Variants in CS observed in about 807,000 individuals in gnomAD.
CS encodes citrate synthase.
A neutral mutation model predicts 61.4 loss-of-function variants in CS; 13 were observed. The observed-to-expected ratio is 0.21, with a 90% CI of 0.14 to 0.34. CS has a LOEUF of 0.34. CS is among the 10% of genes least tolerant of loss of function. The pLI is 1.00. For synonymous variants in CS, 159 were observed against 215.2 expected, an observed-to-expected ratio of 0.74 and a Z score of 2.29; for missense variants, 278 against 573.4, an observed-to-expected ratio of 0.48 and a Z score of 5.26.
At chr12:56,296,382 T>C (rs942739621) in intron 1 of CS, among the ~76,000 whole-genome samples, 10 of 151,988 alleles carry the variant, frequency 6.6e-5, no homozygotes, top group Non-Finnish European at 1.3e-4. Context: ...CCCATGAGGT[T>C]GAGGCTGTAG....
chr12:56,275,952 C>A (rs748722694), intron 7 of CS, 44 bp downstream of exon 7: 5 of 1,577,458 alleles, frequency 3.2e-6, no homozygotes, highest in Non-Finnish European at 4.4e-6. Context: ...AAATTTCCCA[C>A]CAATTGAGGC....
chr12:56,275,139 G>T lies in CS; in HGVS notation c.789-8C>A, dbSNP rs762900576. On this transcript the variant is annotated splice_region_variant and splice_polypyrimidine_tract_variant and intron_variant, in intron 7 of 10. Transcript: ENST00000351328. ...TTGCCACCCTCATGGTCACTGTGGG[G>T]AAGTAAGAAGGGAGAGCCAAGGGAA... 21 of 1,613,956 alleles carry T rather than the reference G, an allele frequency of 1.3e-5. No homozygotes were observed. Among genetic ancestry groups the T allele is most frequent in the Admixed American group, 6.7e-5 (4 of 59,976 alleles).
At chr12:56,273,822 G>A (rs1160113681) in intron 9 of CS, 26 bp from the exon 10 acceptor site, 5 of 1,558,056 alleles carry the variant, frequency 3.2e-6, no homozygotes, top group South Asian at 1.1e-5. Flanking sequence ...AAAAAAGATA[G>A]TATTCTCAGT....
chr12:56,279,449 CAACACAGTGA>C lies in CS; in HGVS notation c.588+2961_588+2970del, dbSNP rs1478923924. Among the ~76,000 whole-genome samples, 9 of 152,104 alleles carry C rather than the reference CAACACAGTGA, an allele frequency of 5.9e-5. No homozygotes were observed. In the East Asian group the frequency reaches 1.6e-3, roughly 26 times the overall value. On this transcript the variant is annotated intron_variant, in intron 6 of 10. Coordinates refer to ENST00000351328, the MANE Select transcript of CS (RefSeq NM_004077.3). ...GTCAGGAGTTCAAGATCAGCCTGGC[CAACACAGTGA>C]AACCCCGTCTCTATTAAAAACACAA...
chr12:56,275,135 T>TG lies in CS; in HGVS notation c.789-5dup. The TG allele has an allele frequency of 1.2e-6, 2 of 1,613,956 alleles. No homozygotes were observed. Among genetic ancestry groups the TG allele is most frequent in the South Asian group, 2.2e-5 (2 of 91,060 alleles). The stretch of plus-strand genomic sequence containing the variant: ...TACATTGCCACCCTCATGGTCACTG[T>TG]GGGGAAGTAAGAAGGGAGAGCCAAG... On this transcript the variant is annotated splice_polypyrimidine_tract_variant and splice_region_variant and intron_variant, in intron 7 of 10. Transcript: ENST00000351328.
At chr12:56,295,951 CAAAAAAAAAAAAAAA>C (rs71081343) in intron 1 of CS, among the ~76,000 whole-genome samples, 12 of 40,510 alleles carry the variant, frequency 3.0e-4, no homozygotes, top group South Asian at 1.7e-3. Context: ...GAAACTGTCT[CAAAAAAAAAAAAAAA>C]AAAAAAAAAA....
chr12:56,286,676 C>T, intron 1 of CS, 31 bp from the exon 2 acceptor site: 2 of 1,591,926 alleles, frequency 1.3e-6, no homozygotes, highest in Non-Finnish European at 1.7e-6. Context: ...CCTTATGTAA[C>T]TGTTACCCCT....
At chr12:56,294,702 G>A (rs927894381) in intron 1 of CS, among the ~76,000 whole-genome samples, 2 of 151,370 alleles carry the variant, frequency 1.3e-5, no homozygotes, top group Non-Finnish European at 2.9e-5. Context: ...GAGTAGCTGG[G>A]ATTATAGGTG....
Position 56,273,799 on chromosome 12 carries a change from G to T in CS, c.1021-3C>A. ...GCATGGCCATAGCCTGGAACAACCTGTAAAGAGTGAGGAAAAAAGATAGTA... is the reference window on the plus strand; with the variant it reads ...GCATGGCCATAGCCTGGAACAACCTTTAAAGAGTGAGGAAAAAAGATAGTA... On this transcript the variant is annotated splice_polypyrimidine_tract_variant and splice_region_variant and intron_variant, in intron 9 of 10. Coordinates refer to ENST00000351328, the MANE Select transcript of CS (RefSeq NM_004077.3). The T allele has an allele frequency of 6.2e-7, 1 of 1,609,970 alleles. No individual in the cohort carries two copies. Among genetic ancestry groups the T allele is most frequent in the Non-Finnish European group, 8.5e-7 (1 of 1,176,254 alleles).
chr12:56,293,352 G>A (rs1426228540), intron 1 of CS, among the ~76,000 whole-genome samples: 2 of 152,156 alleles, frequency 1.3e-5, no homozygotes, highest in Non-Finnish European at 2.9e-5. Context: ...GGGCGCAGTG[G>A]CTCATGCCTA....
intron 6 of CS, among the ~76,000 whole-genome samples, chr12:56,281,486 T>C (rs1318100888): frequency 1.3e-5 from 2 of 152,200 alleles, no homozygotes; most frequent in East Asian, 1.9e-4. Flanking sequence ...GCCGAGAACA[T>C]GACTGACTGG....
intron 6 of CS, among the ~76,000 whole-genome samples, chr12:56,281,571 T>C (rs762854480): frequency 3.3e-5 from 5 of 152,218 alleles, no homozygotes; most frequent in African/African-American, 4.8e-5. Context: ...TTTTCTGTAT[T>C]TGAAGAAGAT....
Position 56,278,507 on chromosome 12 carries a change from G to A in CS, c.589-2312C>T, listed in dbSNP as rs1166029708. ...TAATCCCAGAACTTTGGGAGGCTGA[G>A]GAGCGCGGATCAAGAGGTCAACAGA... is the stretch of plus-strand genomic sequence containing the variant. On this transcript the variant is annotated intron_variant, in intron 6 of 10. Transcript: ENST00000351328. Among the ~76,000 whole-genome samples, 4 of 152,054 alleles carry A rather than the reference G, an allele frequency of 2.6e-5. No homozygotes were observed. The South Asian group carries it at 6.2e-4, about 24-fold the overall frequency.
chr12:56,282,396 G>C (rs753429392), intron 6 of CS, 24 bp downstream of exon 6: 1 of 1,547,766 alleles, frequency 6.5e-7, no homozygotes, highest in South Asian at 1.2e-5. Flanking sequence ...ATCACACACC[G>C]ATCACCCCAC....
In CS at chr12:56,286,688, C is replaced by T. The variant is rs766434785; in HGVS notation, c.43-43G>A. On this transcript the variant is annotated intron_variant, in intron 1 of 10. Transcript: ENST00000351328. ...GAACCTTATGTAACTGTTACCCCTC[C>T]CTCTTTTATATTAACAAGAAGGAAT... is the stretch of plus-strand genomic sequence containing the variant. 2.8e-5 allele frequency: 44 copies of T among 1,544,994 alleles called. No individual in the cohort carries two copies. In the South Asian group the frequency reaches 4.7e-4, roughly 17 times the overall value.
intron 1 of CS, among the ~76,000 whole-genome samples, chr12:56,295,795 A>C (rs1053244271): frequency 2.6e-5 from 4 of 151,348 alleles, no homozygotes; most frequent in Non-Finnish European, 5.9e-5. Context: ...TCTACTAAAA[A>C]TACAAAAAAT....
chr12:56,278,723 ACT>A (rs1484262527), intron 6 of CS, among the ~76,000 whole-genome samples: 2 of 149,082 alleles, frequency 1.3e-5, no homozygotes, highest in African/African-American at 5.0e-5. Flanking sequence ...AGCGACAGAG[ACT>A]CTGTCTCGGA....
At chr12:56,292,493 G>C (rs1426167499) in intron 1 of CS, among the ~76,000 whole-genome samples, 2 of 151,942 alleles carry the variant, frequency 1.3e-5, no homozygotes, top group Non-Finnish European at 2.9e-5. Context: ...CACAGCAGTA[G>C]GGTGGATGCA....
chr12:56,289,542 A>G (rs1468322992), intron 1 of CS, among the ~76,000 whole-genome samples: 1 of 151,880 alleles, frequency 6.6e-6, no homozygotes, highest in Non-Finnish European at 1.5e-5. Flanking sequence ...TCCAAGGTTC[A>G]ACACCATTCT....
Sources: allele counts gnomAD v4.1 joint callset (sites outside exome capture counted in the v4.1 genomes callset), GRCh38; gene constraint gnomAD v4.1.1; transcripts MANE v1.5; gene names NCBI Gene and HGNC (gene_info 2026-07-23, HGNC 2026-07-21).